BEST3: variants seen among roughly 807,000 people sequenced by gnomAD.
The protein encoded by BEST3 is bestrophin 3.
A neutral mutation model predicts 47.1 loss-of-function variants in BEST3; 50 were observed. The observed-to-expected ratio is 1.06, with a 90% CI of 0.85 to 1.34. BEST3 has a LOEUF of 1.34. Ranked by LOEUF, BEST3 falls within the 40% of genes most tolerant of loss-of-function variation. The pLI is 0.00. For missense variants in BEST3, 765 were observed against 817.0 expected, an observed-to-expected ratio of 0.94 and a Z score of 0.78; for synonymous variants, 282 against 298.8, an observed-to-expected ratio of 0.94 and a Z score of 0.58.
At chr12:69,676,812 T>C in intron 7 of BEST3, 104 bp downstream of exon 7, 1 of 1,251,960 alleles carries the variant, frequency 8.0e-7, no homozygotes, top group Non-Finnish European at 1.1e-6. Flanking sequence ...TAAATCTACC[T>C]TTGACTCACT....
At position 69,676,979 on chromosome 12, in the gene BEST3, G is replaced by C. The variant is rs750482090; in HGVS notation, c.804C>G (p.Asp268Glu). The C allele has an allele frequency of 3.7e-6, 6 of 1,614,124 alleles. No individual in the cohort carries two copies. Among genetic ancestry groups the C allele is most frequent in the South Asian group, 2.2e-5 (2 of 91,086 alleles). ...TGAAGATGGGAATGTAAAGATCCAA[G>C]TCATGCCCTGCGTAGCCTTTGGTGG... ...LDPTKGYAGHDLDLYIPIFTL... is the reference protein window; with the variant it reads ...LDPTKGYAGHELDLYIPIFTL... The change falls in exon 7 of 10, where the codon GAC (aspartate) becomes GAG (glutamate). Residue 268 changes from aspartate (D) to glutamate (E), a missense_variant. Asp to Glu is a conservative substitution (Grantham distance 45). Coordinates refer to ENST00000330891, the MANE Select transcript of BEST3 (RefSeq NM_032735.3).
intron 9 of BEST3, chr12:69,660,662 T>C (rs1364512876): frequency 6.6e-6 from 1 of 151,856 alleles, no homozygotes; most frequent in Non-Finnish European, 1.5e-5. Flanking sequence ...AAACCATCAA[T>C]ACAAAAATAT....
intron 7 of BEST3, among the ~76,000 whole-genome samples, chr12:69,674,192 C>G (rs1365303009): frequency 6.6e-6 from 1 of 152,010 alleles, no homozygotes; most frequent in Non-Finnish European, 1.5e-5. Flanking sequence ...TTTCTAGAGT[C>G]TAAACATTCT....
At position 69,655,202 on chromosome 12, in the gene BEST3, G is replaced by A; in HGVS notation, c.1712C>T (p.Ala571Val). ...GPSPQTVSAS[A>V]EENIFNCEED... ...TTCACAGTTGAATATATTTTCCTCA[G>A]CGCTGGCTGAAACTGTCTGGGGACT... is the stretch of plus-strand genomic sequence containing the variant. Residue 571 changes from alanine (A) to valine (V), a missense_variant, in exon 10 of 10, where the codon GCT becomes GTT. By Grantham distance (64) the Ala-to-Val change is moderately conservative. Transcript: ENST00000330891. 6.2e-7 allele frequency: 1 copy of A among 1,614,168 alleles called. No homozygotes were observed. The highest frequency in any genetic ancestry group is 8.5e-7 in the Non-Finnish European group (1 of 1,180,022).
chr12:69,693,880 C>T lies in BEST3; in HGVS notation c.275G>A (p.Arg92Gln), dbSNP rs774837432. Residue 92 changes from arginine (R) to glutamine (Q), a missense_variant, in exon 4 of 10, where the codon CGA becomes CAA. Physicochemically the swap from Arg to Gln is conservative, Grantham distance 43 (BLOSUM62 1). Transcript: ENST00000330891. ...LGFYVTLVVN[R>Q]WWNQFVNLPW... ...CAAATTCACAAACTGGTTCCACCAT[C>T]GGTTCACTACCAGAGTAACATAAAA... The T allele has an allele frequency of 3.1e-6, 5 of 1,611,720 alleles. No individual in the cohort carries two copies. The highest frequency in any genetic ancestry group is 3.4e-5 in the Admixed American group (2 of 59,694).
At chr12:69,674,339 T>C (rs879904354) in intron 7 of BEST3, among the ~76,000 whole-genome samples, 2 of 152,124 alleles carry the variant, frequency 1.3e-5, no homozygotes, top group East Asian at 1.9e-4. Flanking sequence ...AAAAACCCGA[T>C]TGATGCCTGG....
chr12:69,696,974 TA>T (rs1886154492), intron 2 of BEST3, among the ~76,000 whole-genome samples: 1 of 152,222 alleles, frequency 6.6e-6, no homozygotes. Flanking sequence ...CTTTTCATCA[TA>T]AAAATATTTC....
intron 9 of BEST3, among the ~76,000 whole-genome samples, chr12:69,658,210 A>G (rs1368604133): frequency 3.3e-5 from 5 of 152,210 alleles, no homozygotes; most frequent in Non-Finnish European, 7.3e-5. Flanking sequence ...AACTACCTCT[A>G]AAGGTTGCAA....
chr12:69,677,036 AAAG>A lies in BEST3; in HGVS notation c.744_746del (p.Phe249del). On this transcript the variant is annotated inframe_deletion, in exon 7 of 10. Coordinates refer to ENST00000330891, the MANE Select transcript of BEST3 (RefSeq NM_032735.3). ...AAAACTGGCGTCCAATCAGGCACGC[AAAG>A]AAGAAGGTATAGACAGCAAGAGTGA... The A allele has an allele frequency of 1.2e-6, 2 of 1,614,226 alleles. No homozygotes were observed. Among genetic ancestry groups the A allele is most frequent in the African/African-American group, 1.3e-5 (1 of 75,060 alleles).
intron 9 of BEST3, chr12:69,669,758 T>G (rs976925049): frequency 6.6e-6 from 1 of 152,196 alleles, no homozygotes; most frequent in Non-Finnish European, 1.5e-5. Context: ...CTATTTCTGT[T>G]TCTGTATTTA....
chr12:69,671,158 C>T (rs960812480), intron 9 of BEST3, among the ~76,000 whole-genome samples: 13 of 151,988 alleles, frequency 8.6e-5, no homozygotes, highest in African/African-American at 1.9e-4. Context: ...TTTTAATTTT[C>T]GTGAATTAAT....
chr12:69,671,976 T>G (rs1884604851), intron 8 of BEST3, among the ~76,000 whole-genome samples: 1 of 152,240 alleles, frequency 6.6e-6, no homozygotes. Context: ...TTTCATTCTG[T>G]TAACCCTGTA....
rs754775100 is a variant in BEST3 at position 69,654,868 on chromosome 12, GA to G, written c.*38del. 1 of 1,570,972 alleles carries G rather than the reference GA, an allele frequency of 6.4e-7. No individual in the cohort carries two copies. Among genetic ancestry groups the G allele is most frequent in the Non-Finnish European group, 8.6e-7 (1 of 1,159,508 alleles). ...TAATATGCTGCTTTTGGGGAGGTAA[GA>G]ATCTAGGCTAGAACCAGGTCCTAGA... On this transcript the variant is annotated 3_prime_UTR_variant, in exon 10 of 10. Transcript: ENST00000330891.
At chr12:69,686,732 A>G (rs1885611676) in intron 4 of BEST3, among the ~76,000 whole-genome samples, 1 of 137,656 alleles carries the variant, frequency 7.3e-6, no homozygotes, top group Non-Finnish European at 1.5e-5. Flanking sequence ...AGATTTCAAC[A>G]CTATACTCCA....
chr12:69,656,788 A>G (rs1332253198), intron 9 of BEST3, among the ~76,000 whole-genome samples: 1 of 152,162 alleles, frequency 6.6e-6, no homozygotes, highest in South Asian at 2.1e-4. Context: ...AATCCCTTTG[A>G]TGGAAAGCCT....
At chr12:69,663,986 T>C (rs1486130377) in intron 9 of BEST3, among the ~76,000 whole-genome samples, 1 of 152,242 alleles carries the variant, frequency 6.6e-6, no homozygotes, top group Non-Finnish European at 1.5e-5. Context: ...TTTTCATTGC[T>C]TATTAACTCA....
intron 4 of BEST3, among the ~76,000 whole-genome samples, chr12:69,690,635 T>C (rs1027467084): frequency 6.6e-6 from 1 of 152,202 alleles, no homozygotes; most frequent in African/African-American, 2.4e-5. Flanking sequence ...TGCACTCTCT[T>C]CATTTCAAGG....
chr12:69,658,073 T>C (rs921493230), intron 9 of BEST3, among the ~76,000 whole-genome samples: 8 of 152,142 alleles, frequency 5.3e-5, no homozygotes, highest in African/African-American at 1.9e-4. Context: ...CAAGTGAACT[T>C]GTTCACTAAC....
intron 9 of BEST3, chr12:69,670,176 C>A: frequency 2.8e-6 from 1 of 352,494 alleles, no homozygotes; most frequent in Non-Finnish European, 5.3e-6. Context: ...AGCTCTGCCC[C>A]TGCAGAAGGT....
Sources: gnomAD v4.1 joint callset for allele counts (sites outside exome capture counted in the v4.1 genomes callset) on GRCh38, gnomAD v4.1.1 for gene constraint, MANE v1.5 for transcripts, NCBI Gene and HGNC (gene_info 2026-07-23, HGNC 2026-07-21) for gene names.